Variants in PAPPA observed in about 807,000 individuals in gnomAD.
PAPPA encodes pappalysin-1.
PAPPA carries 60 observed loss-of-function variants against 164.0 expected under a neutral mutation model. That is an observed-to-expected ratio of 0.37 (90% CI 0.30 to 0.45). PAPPA has a LOEUF of 0.45. PAPPA is among the 20% of genes least tolerant of loss of function. PAPPA has a pLI of 1.00. For synonymous variants in PAPPA, 875 were observed against 814.1 expected, an observed-to-expected ratio of 1.07 and a Z score of -1.27; for missense variants, 1,782 against 2,087.3, an observed-to-expected ratio of 0.85 and a Z score of 2.85.
At chr9:116,167,946 G>A (rs1352988255) in intron 1 of PAPPA, among the ~76,000 whole-genome samples, 1 of 152,168 alleles carries the variant, frequency 6.6e-6, no homozygotes, top group Non-Finnish European at 1.5e-5. Context: ...ATTAAGCTAA[G>A]CTAAGTGAGT....
intron 1 of PAPPA, among the ~76,000 whole-genome samples, chr9:116,177,842 T>A (rs1169010917): frequency 2.6e-5 from 4 of 152,212 alleles, no homozygotes; most frequent in Non-Finnish European, 4.4e-5. Context: ...TGTTATAGTG[T>A]ACTTCTTTGA....
At chr9:116,176,972 C>T (rs1843843970) in intron 1 of PAPPA, among the ~76,000 whole-genome samples, 1 of 148,964 alleles carries the variant, frequency 6.7e-6, no homozygotes, top group Non-Finnish European at 1.5e-5. Context: ...AAGACCCCCC[C>T]CCCCAATATT....
intron 2 of PAPPA, among the ~76,000 whole-genome samples, chr9:116,203,236 G>C (rs1039430190): frequency 6.6e-6 from 1 of 152,224 alleles, no homozygotes; most frequent in African/African-American, 2.4e-5. Flanking sequence ...AGAGAGGTTT[G>C]TTGGCAGGCT....
At chr9:116,349,578 A>C (rs1846255290) in intron 15 of PAPPA, among the ~76,000 whole-genome samples, 2 of 152,196 alleles carry the variant, frequency 1.3e-5, no homozygotes, top group African/African-American at 4.8e-5. Context: ...TCCCAAAGAG[A>C]CTTGATCTCC....
At position 116,235,491 on chromosome 9, in the gene PAPPA, G is replaced by A; in HGVS notation, c.2586G>A (p.Leu862=). The change falls in exon 7 of 22, where the codon CTG becomes CTA. Residue 862 remains leucine (L), a synonymous_variant. Transcript: ENST00000328252. ...AAATCTACACGCTGGATGAGCACCT[G>A]GAGATCGATGCTGCCATGTTGACCT... is the stretch of plus-strand genomic sequence containing the variant. The part of the protein sequence containing the change: ...GIQIYTLDEH[L]EIDAAMLTST... 1 of 1,613,568 alleles carries A rather than the reference G, an allele frequency of 6.2e-7. No individual in the cohort carries two copies. Among genetic ancestry groups the A allele is most frequent in the Non-Finnish European group, 8.5e-7 (1 of 1,179,924 alleles).
chr9:116,205,187 A>G (rs1300787257), intron 2 of PAPPA, among the ~76,000 whole-genome samples: 1 of 150,312 alleles, frequency 6.7e-6, no homozygotes, highest in Non-Finnish European at 1.5e-5. Context: ...CCAAAGTATG[A>G]AAAAAAAAAT....
intron 15 of PAPPA, among the ~76,000 whole-genome samples, chr9:116,350,277 C>A (rs545772258): frequency 4.6e-5 from 7 of 152,154 alleles, no homozygotes; most frequent in Non-Finnish European, 8.8e-5. Context: ...AGAAGACAAA[C>A]GAAGGGCACA....
chr9:116,356,334 A>C (rs907675354), intron 17 of PAPPA, among the ~76,000 whole-genome samples: 15 of 151,752 alleles, frequency 9.9e-5, no homozygotes, highest in African/African-American at 2.9e-4. Context: ...TAAATGAGGT[A>C]ATGAAAATAG....
At chr9:116,158,593 T>TA (rs2118970940) in intron 1 of PAPPA, among the ~76,000 whole-genome samples, 1 of 152,322 alleles carries the variant, frequency 6.6e-6, no homozygotes, top group Non-Finnish European at 1.5e-5. Context: ...ACATGGAAGG[T>TA]ACTTAAAACT....
Position 116,352,905 on chromosome 9 carries a change from G to C in PAPPA, c.4164G>C (p.Arg1388=). 1 of 1,613,664 alleles carries C rather than the reference G, an allele frequency of 6.2e-7. No homozygotes were observed. The highest frequency in any genetic ancestry group is 8.5e-7 in the Non-Finnish European group (1 of 1,179,664). Residue 1388 remains arginine, a synonymous_variant, in exon 16 of 22, where the codon CGG becomes CGC. Coordinates refer to ENST00000328252, the MANE Select transcript of PAPPA (RefSeq NM_002581.5). Reference sequence around the variant, plus strand: ...GATACCATGTGCCTGGATCCTCTCGGAAGTCAAAGAAGTAAGTGGGGTTGG... The same window carrying C: ...GATACCATGTGCCTGGATCCTCTCGCAAGTCAAAGAAGTAAGTGGGGTTGG... The part of the protein sequence containing the change: ...KPGYHVPGSS[R]KSKKRAFKTQ...
rs777605787 is a variant in PAPPA, at chr9:116,220,130, G to T, written c.2111+1G>T. 6.2e-7 allele frequency: 1 copy of T among 1,610,976 alleles called. No homozygotes were observed. Among genetic ancestry groups the T allele is most frequent in the Non-Finnish European group, 8.5e-7 (1 of 1,178,468 alleles). Reference sequence around the variant, plus strand: ...CTATAGATGGCCATTTCTTTGAAAGGTGAGTGTGCCCTGTGTAGTGTTGAT... The same window carrying T: ...CTATAGATGGCCATTTCTTTGAAAGTTGAGTGTGCCCTGTGTAGTGTTGAT... On this transcript the variant is annotated splice_donor_variant, in intron 5 of 21. Coordinates refer to ENST00000328252, the MANE Select transcript of PAPPA (RefSeq NM_002581.5). LOFTEE classifies it high-confidence loss of function.
chr9:116,313,544 G>A (rs973801404), intron 10 of PAPPA, among the ~76,000 whole-genome samples: 3 of 152,194 alleles, frequency 2.0e-5, no homozygotes, highest in African/African-American at 4.8e-5. Flanking sequence ...TTAAAGCAAC[G>A]GGAAGGAGGA....
At chr9:116,389,517 T>A (rs1846862514) in intron 21 of PAPPA, among the ~76,000 whole-genome samples, 1 of 152,178 alleles carries the variant, frequency 6.6e-6, no homozygotes, top group South Asian at 2.1e-4. Context: ...CCCACCCACA[T>A]TGCTTCTCTG....
At chr9:116,158,997 C>T (rs2118971799) in intron 1 of PAPPA, among the ~76,000 whole-genome samples, 1 of 152,294 alleles carries the variant, frequency 6.6e-6, no homozygotes, top group South Asian at 2.1e-4. Flanking sequence ...TGGAACATTT[C>T]CATTCCTTTC....
In PAPPA at chr9:116,398,974, A is replaced by G. The variant is rs3810940; in HGVS notation, c.*2358A>G. 76,254 of 263,788 alleles carry G rather than the reference A, an allele frequency of 0.29. 11,805 individuals carry two copies. The highest frequency in any genetic ancestry group is 0.43 in the Admixed American group (8,383 of 19,504). 16.3% of individuals were successfully genotyped at this position (263,788 alleles called of 1,614,324 possible). On this transcript the variant is annotated 3_prime_UTR_variant, in exon 22 of 22. Transcript: ENST00000328252. ...TGGTGTTAACTACCTTAGAAGGTAC[A>G]AGCTAAGAAATGTAACAGTATCAAC...
chr9:116,158,351 G>A (rs373795255), intron 1 of PAPPA, among the ~76,000 whole-genome samples: 1 of 152,148 alleles, frequency 6.6e-6, no homozygotes, highest in East Asian at 1.9e-4. Context: ...ATATTAACAA[G>A]GCTTTTCCCC....
At chr9:116,196,329 G>A (rs979640240) in intron 2 of PAPPA, among the ~76,000 whole-genome samples, 2 of 152,164 alleles carry the variant, frequency 1.3e-5, no homozygotes, top group African/African-American at 2.4e-5. Context: ...CTCAGCAGGA[G>A]GCAGTTGGTT....
intron 7 of PAPPA, among the ~76,000 whole-genome samples, chr9:116,237,231 T>C (rs2118749574): frequency 6.6e-6 from 1 of 152,350 alleles, no homozygotes; most frequent in East Asian, 1.9e-4. Flanking sequence ...GCTAATTCAT[T>C]GAATCAGAGA....
intron 9 of PAPPA, among the ~76,000 whole-genome samples, chr9:116,289,399 TATATATATAGC>T (rs1235743323): frequency 4.0e-4 from 32 of 80,394 alleles, no homozygotes; most frequent in African/African-American, 8.8e-4. Flanking sequence ...TATATAGCTA[TATATATATAGC>T]ATATATATAG....
Sources: allele counts gnomAD v4.1 joint callset (sites outside exome capture counted in the v4.1 genomes callset), GRCh38; gene constraint gnomAD v4.1.1; transcripts MANE v1.5; gene names NCBI Gene and HGNC (gene_info 2026-07-23, HGNC 2026-07-21).